DPP10: variants seen among roughly 807,000 people sequenced by gnomAD.
DPP10 encodes inactive dipeptidyl peptidase 10.
In DPP10, 33 loss-of-function variants were observed where a neutral mutation model predicts 120.9. The ratio of observed to expected loss-of-function variants is 0.27; its 90% CI spans 0.21 to 0.37. The LOEUF (loss-of-function observed/expected upper bound fraction) is 0.37. DPP10 is among the 10% of genes least tolerant of loss of function. The pLI, the probability that DPP10 is intolerant of heterozygous loss-of-function variation, is 1.00. For missense variants in DPP10, 816 were observed against 942.8 expected (o/e 0.87, Z 1.76); for synonymous variants, 337 against 326.1 (o/e 1.03, Z -0.36).
At chr2:115,138,205 C>T (rs1240810801) in intron 1 of DPP10, among the ~76,000 whole-genome samples, 2 of 151,860 alleles carry the variant, frequency 1.3e-5, no homozygotes, top group Non-Finnish European at 2.9e-5. Flanking sequence ...TTTTTAGTGC[C>T]CTATTGAACA....
chr2:115,802,440 C>T (rs1157466053), intron 19 of DPP10, among the ~76,000 whole-genome samples: 2 of 152,106 alleles, frequency 1.3e-5, no homozygotes, highest in East Asian at 1.9e-4. Context: ...TTCAGTTCTG[C>T]TCTGATCTTA....
At chr2:115,483,893 T>A (rs571900032) in intron 3 of DPP10, among the ~76,000 whole-genome samples, 1 of 152,114 alleles carries the variant, frequency 6.6e-6, no homozygotes, top group South Asian at 2.1e-4. Context: ...GCCAACATGT[T>A]TTTCCCCCTC....
intron 3 of DPP10, among the ~76,000 whole-genome samples, chr2:115,455,552 C>G (rs951357203): frequency 1.3e-5 from 2 of 152,084 alleles, no homozygotes; most frequent in Non-Finnish European, 2.9e-5. Context: ...CATCATGCTA[C>G]CTGACTTTAA....
intron 1 of DPP10, among the ~76,000 whole-genome samples, chr2:115,180,449 T>C (rs1412254826): frequency 6.6e-6 from 1 of 152,196 alleles, no homozygotes; most frequent in Admixed American, 6.5e-5. Flanking sequence ...ATCAAGCCTC[T>C]TGTGTGTTAT....
intron 1 of DPP10, among the ~76,000 whole-genome samples, chr2:114,636,584 G>T (rs1349937827): frequency 6.6e-6 from 1 of 151,934 alleles, no homozygotes; most frequent in African/African-American, 2.4e-5. Context: ...GATCCCCAGG[G>T]CTCTGTGGAC....
intron 1 of DPP10, among the ~76,000 whole-genome samples, chr2:114,641,765 T>C (rs1298099170): frequency 6.6e-6 from 1 of 151,952 alleles, no homozygotes; most frequent in Non-Finnish European, 1.5e-5. Flanking sequence ...AAAGAAGGAA[T>C]GAATAAAAAT....
chr2:115,000,553 C>T (rs1056592050), intron 1 of DPP10, among the ~76,000 whole-genome samples: 6 of 152,098 alleles, frequency 3.9e-5, no homozygotes, highest in African/African-American at 1.4e-4. Flanking sequence ...TTGTAAATAG[C>T]CTTGGATGGT....
At position 115,582,796 on chromosome 2, in the gene DPP10, G is replaced by A. The variant is rs147850086; in HGVS notation, c.441+56824G>A. 3.1e-4 allele frequency among the ~76,000 whole-genome samples: 47 copies of A among 152,168 alleles called. No individual in the cohort carries two copies. In the South Asian group the frequency reaches 3.1e-3, roughly 10 times the overall value. ...TTACCACATTCCAAAAAAATGTCTCGGGGTTGTTAATGGCTTATCTAACAT... is the reference window on the plus strand; with the variant it reads ...TTACCACATTCCAAAAAAATGTCTCAGGGTTGTTAATGGCTTATCTAACAT... On this transcript the variant is annotated intron_variant, in intron 5 of 25. Coordinates refer to ENST00000410059, the MANE Select transcript of DPP10 (RefSeq NM_020868.6).
At chr2:115,806,050 G>A (rs909435007) in intron 19 of DPP10, among the ~76,000 whole-genome samples, 1 of 152,108 alleles carries the variant, frequency 6.6e-6, no homozygotes, top group East Asian at 1.9e-4. Flanking sequence ...TGCCATACAA[G>A]CTTTTATTAC....
At chr2:114,525,833 A>G (rs560008028) in intron 1 of DPP10, among the ~76,000 whole-genome samples, 2 of 152,320 alleles carry the variant, frequency 1.3e-5, no homozygotes, top group Non-Finnish European at 2.9e-5. Context: ...AGGCAAATTT[A>G]TTAGTCTTTC....
chr2:114,822,539 G>A (rs1447541340), intron 1 of DPP10, among the ~76,000 whole-genome samples: 1 of 152,028 alleles, frequency 6.6e-6, no homozygotes, highest in Non-Finnish European at 1.5e-5. Flanking sequence ...AATTACTGTA[G>A]CAGGGTTGAA....
intron 3 of DPP10, chr2:115,468,921 A>G: frequency 2.7e-6 from 1 of 369,206 alleles, no homozygotes; most frequent in South Asian, 2.3e-5. Flanking sequence ...GGTAGGAACA[A>G]CCGCTGAGTG....
intron 1 of DPP10, among the ~76,000 whole-genome samples, chr2:115,031,937 G>A (rs780097571): frequency 3.3e-5 from 5 of 152,074 alleles, no homozygotes; most frequent in Non-Finnish European, 7.4e-5. Context: ...AGGTGTTGTT[G>A]CTGAATTATT....
chr2:114,699,546 CA>C (rs2105808170), intron 1 of DPP10, among the ~76,000 whole-genome samples: 1 of 152,164 alleles, frequency 6.6e-6, no homozygotes, highest in Non-Finnish European at 1.5e-5. Flanking sequence ...GCTCTTGGCC[CA>C]TATCTAAGTA....
intron 1 of DPP10, among the ~76,000 whole-genome samples, chr2:114,605,102 G>A (rs1692682248): frequency 6.6e-6 from 1 of 152,094 alleles, no homozygotes; most frequent in African/African-American, 2.4e-5. Context: ...ACTTTCTGTA[G>A]TAGTAGCAAA....
intron 1 of DPP10, among the ~76,000 whole-genome samples, chr2:114,598,430 A>G (rs373286051): frequency 2.6e-5 from 4 of 152,026 alleles, no homozygotes; most frequent in South Asian, 2.1e-4. Flanking sequence ...CTTGTTGTCC[A>G]AAGTGTGTCT....
chr2:114,923,397 T>C (rs1695347249), intron 1 of DPP10, among the ~76,000 whole-genome samples: 1 of 151,384 alleles, frequency 6.6e-6, no homozygotes, highest in Non-Finnish European at 1.5e-5. Flanking sequence ...TTGGCCAGGC[T>C]GGTCTCTATC....
chr2:114,968,962 A>G (rs1699217772), intron 1 of DPP10, among the ~76,000 whole-genome samples: 1 of 152,214 alleles, frequency 6.6e-6, no homozygotes, highest in South Asian at 2.1e-4. Context: ...TCAATTTCAC[A>G]TTCTAGACTG....
chr2:115,634,240 C>G (rs1297017238), intron 5 of DPP10, among the ~76,000 whole-genome samples: 1 of 152,172 alleles, frequency 6.6e-6, no homozygotes, highest in African/African-American at 2.4e-5. Context: ...GTTCTGTGCT[C>G]TTGCTGGAGA....
Sources: allele counts gnomAD v4.1 joint callset (sites outside exome capture counted in the v4.1 genomes callset), GRCh38; gene constraint gnomAD v4.1.1; transcripts MANE v1.5; gene names NCBI Gene and HGNC (gene_info 2026-07-23, HGNC 2026-07-21).